APOB: variants seen among roughly 807,000 people sequenced by gnomAD.
APOB encodes the protein apolipoprotein B-100.
A neutral mutation model predicts 314.1 loss-of-function variants in APOB; 153 were observed. The observed-to-expected ratio is 0.49, with a 90% CI of 0.43 to 0.56. The LOEUF (loss-of-function observed/expected upper bound fraction) is 0.56. Ranked by LOEUF, APOB falls within the 20% of genes least tolerant of loss-of-function variation. The probability of loss-of-function intolerance (pLI) is 0.00; values close to 1 mark genes in which losing one functional copy is unlikely to be tolerated. For synonymous variants in APOB, 2,087 were observed against 2,036.4 expected (o/e 1.02, Z -0.67); for missense variants, 5,430 against 5,350.7 (o/e 1.01, Z -0.46).
chr2:21,034,936 G>T, intron 7 of APOB, 35 bp from the exon 8 acceptor site: 1 of 1,016,792 alleles, frequency 9.8e-7, no homozygotes, highest in East Asian at 2.4e-5. Flanking sequence ...GTCACGGATG[G>T]CCAGAACATA....
Position 21,019,032 on chromosome 2 carries a change from T to C in APOB, c.3081A>G (p.Arg1027=), listed in dbSNP as rs750932563. 1.9e-6 allele frequency: 3 copies of C among 1,614,054 alleles called. No homozygotes were observed. The Admixed American group carries it at 5.0e-5, about 27-fold the overall frequency. The part of the protein sequence containing the change: ...SATYELQRED[R]ALVDTLKFVT... ...CAAACTTCAGGGTATCCACCAAGGC[T>C]CTGTCCTCTCTCTGGAGCTCATAGG... Residue 1027 remains arginine, a synonymous_variant, in exon 20 of 29, where the codon AGA becomes AGG. Transcript: ENST00000233242.
chr2:21,030,479 G>C (rs145047515), intron 10 of APOB, among the ~76,000 whole-genome samples: 2 of 152,190 alleles, frequency 1.3e-5, no homozygotes, highest in African/African-American at 4.8e-5. Flanking sequence ...TTAAATATAA[G>C]ACCTGAGACT....
Position 21,019,739 on chromosome 2 carries a change from G to A in APOB, c.2983C>T (p.Leu995=). Residue 995 remains leucine, a synonymous_variant, in exon 19 of 29, where the codon CTG becomes TTG. Transcript: ENST00000233242. ...ATCTCTAACCTGGTGTCCCCGGTCA[G>A]CGGATAGTAGGAGGCGGAGTCTGTG... ...SSTDSASYYP[L]TGDTRLELEL... is the part of the protein sequence containing the mutation. 1 of 1,614,164 alleles carries A rather than the reference G, an allele frequency of 6.2e-7. No homozygotes were observed. Among genetic ancestry groups the A allele is most frequent in the South Asian group, 1.1e-5 (1 of 91,070 alleles).
In APOB at chr2:21,008,899, G is replaced by A. The variant is rs867880945; in HGVS notation, c.7969C>T (p.His2657Tyr). 1 of 1,613,982 alleles carries A rather than the reference G, an allele frequency of 6.2e-7. No individual in the cohort carries two copies. The highest frequency in any genetic ancestry group is 8.5e-7 in the Non-Finnish European group (1 of 1,179,912). Residue 2657 changes from histidine (H) to tyrosine (Y), a missense_variant, in exon 26 of 29, where the codon CAC (histidine) becomes TAC (tyrosine). By Grantham distance (83) the His-to-Tyr change is moderately conservative. This residue lies in a region of APOB where 3,281 missense variants were observed against 3,171.0 expected (regional missense o/e 1.03). Transcript: ENST00000233242. ...AAGTCAATTGTAAAGGAAGGAATGT[G>A]GAAGGTGTTAAGGATGGTAAATTCT... ...TPEFTILNTFHIPSFTIDFVE... is the reference protein window; with the variant it reads ...TPEFTILNTFYIPSFTIDFVE...
intron 20 of APOB, among the ~76,000 whole-genome samples, chr2:21,017,344 G>C (rs1663505348): frequency 6.6e-6 from 1 of 152,150 alleles, no homozygotes; most frequent in East Asian, 1.9e-4. Context: ...CAAGTAACTT[G>C]CTCATGTCAG....
chr2:21,023,202 C>T (rs1558570259), intron 17 of APOB, among the ~76,000 whole-genome samples, 160 bp from the exon 18 acceptor site: 1 of 152,148 alleles, frequency 6.6e-6, no homozygotes, highest in Non-Finnish European at 1.5e-5. Context: ...AGCGAGTTCT[C>T]AGTTCTCTAG....
At position 21,007,852 on chromosome 2, in the gene APOB, C is replaced by T. The variant is rs1456410181; in HGVS notation, c.9016G>A (p.Gly3006Ser). ...HVGHSVLTAK[G>S]MALFGEGKAE... Reference sequence around the variant, plus strand: ...TTCCCTTCTCCAAACAGTGCCATGCCTTTAGCAGTTAGAACACTGTGGCCC... The same window carrying T: ...TTCCCTTCTCCAAACAGTGCCATGCTTTTAGCAGTTAGAACACTGTGGCCC... Residue 3006 changes from glycine to serine, a missense_variant, in exon 26 of 29, where the codon GGC becomes AGC. This residue lies in a region of APOB where 3,281 missense variants were observed against 3,171.0 expected (regional missense o/e 1.03). Coordinates refer to ENST00000233242, the MANE Select transcript of APOB (RefSeq NM_000384.3). 6.2e-7 allele frequency: 1 copy of T among 1,613,954 alleles called. No homozygotes were observed. Among genetic ancestry groups the T allele is most frequent in the African/African-American group, 1.3e-5 (1 of 74,918 alleles).
intron 5 of APOB, among the ~76,000 whole-genome samples, chr2:21,037,653 T>C (rs1390525715): frequency 0.013 from 1 of 78 alleles, no homozygotes; most frequent in African/African-American, 0.031. Flanking sequence ...CAGGATTTAC[T>C]GTGTACACCA....
intron 3 of APOB, among the ~76,000 whole-genome samples, chr2:21,042,037 C>A (rs1664144137): frequency 6.6e-6 from 1 of 152,218 alleles, no homozygotes; most frequent in African/African-American, 2.4e-5. Context: ...TCCCATAGCT[C>A]ACCTACTGGG....
Position 21,011,820 on chromosome 2 carries a change from T to A in APOB, c.5048A>T (p.Lys1683Ile), listed in dbSNP as rs777709291. 2.5e-6 allele frequency: 4 copies of A among 1,614,124 alleles called. No individual in the cohort carries two copies. Among genetic ancestry groups the A allele is most frequent in the Non-Finnish European group, 3.4e-6 (4 of 1,180,018 alleles). ...AELGLSGASM[K>I]LTTNGRFREH... ...CCTGAAGCGGCCATTTGTTGTTAAT[T>A]TCATAGATGCCCCAGAGAGGCCAAG... Residue 1683 changes from lysine (K) to isoleucine (I), a missense_variant, in exon 26 of 29, where the codon AAA becomes ATA. By Grantham distance (102) the Lys-to-Ile change is moderately radical. Transcript: ENST00000233242.
rs1386611667 is a variant in APOB at position 21,006,774 on chromosome 2, T to C, written c.10094A>G (p.His3365Arg). Residue 3365 changes from histidine (H) to arginine (R), a missense_variant, in exon 26 of 29, where the codon CAT becomes CGT. By Grantham distance (29) the His-to-Arg change is conservative. Transcript: ENST00000233242. ...ELFNQSDIVA[H>R]LLSSSSSVID... ...GACAGATGAAGATGAAGAAAGGAGA[T>C]GAGCAACAATATCTGACTGGTTAAA... The C allele has an allele frequency of 1.2e-6, 2 of 1,613,986 alleles. No homozygotes were observed. Among genetic ancestry groups the C allele is most frequent in the Non-Finnish European group, 1.7e-6 (2 of 1,179,954 alleles).
chr2:21,007,252 T>C lies in APOB; in HGVS notation c.9616A>G (p.Arg3206Gly), dbSNP rs1253383921. Residue 3206 changes from arginine to glycine, a missense_variant, in exon 26 of 29, where the codon AGG (arginine) becomes GGG (glycine). Coordinates refer to ENST00000233242, the MANE Select transcript of APOB (RefSeq NM_000384.3). ...FISQSIKSFD[R>G]HFEKNRNNAL... is the part of the protein sequence containing the mutation. Reference sequence around the variant, plus strand: ...TTGTTTCTGTTTTTTTCAAAATGCCTGTCAAAGGATTTGATGCTCTGACTG... The same window carrying C: ...TTGTTTCTGTTTTTTTCAAAATGCCCGTCAAAGGATTTGATGCTCTGACTG... 50 of 1,613,318 alleles carry C rather than the reference T, an allele frequency of 3.1e-5. No individual in the cohort carries two copies. The highest frequency in any genetic ancestry group is 4.0e-5 in the Non-Finnish European group (47 of 1,179,610).
intron 28 of APOB, 139 bp from the exon 29 acceptor site, chr2:21,003,473 T>G: frequency 1.3e-6 from 1 of 779,240 alleles, no homozygotes; most frequent in Non-Finnish European, 2.1e-6. Flanking sequence ...CTTTCATATG[T>G]CAGTTCATGT....
chr2:21,041,482 A>T (rs1368183371), intron 3 of APOB, among the ~76,000 whole-genome samples: 1 of 152,222 alleles, frequency 6.6e-6, no homozygotes, highest in East Asian at 1.9e-4. Flanking sequence ...TCCACAGCAA[A>T]TGTCTCCTTA....
rs755588432 is a variant in APOB, at chr2:21,008,638, G to C, written c.8230C>G (p.Pro2744Ala). The part of the protein sequence containing the change: ...PDLHIPEFQL[P>A]HISHTIEVPT... Reference sequence around the variant, plus strand: ...ACTTCAATTGTGTGTGAGATGTGGGGAAGCTGGAATTCTGGTATGTGAAGG... The same window carrying C: ...ACTTCAATTGTGTGTGAGATGTGGGCAAGCTGGAATTCTGGTATGTGAAGG... Residue 2744 changes from proline (P) to alanine (A), a missense_variant, in exon 26 of 29, where the codon CCC (proline) becomes GCC (alanine). Physicochemically the swap from Pro to Ala is conservative, Grantham distance 27. Transcript: ENST00000233242. 2 of 1,614,136 alleles carry C rather than the reference G, an allele frequency of 1.2e-6. No individual in the cohort carries two copies. Among genetic ancestry groups the C allele is most frequent in the Non-Finnish European group, 1.7e-6 (2 of 1,179,978 alleles).
chr2:21,035,560 T>C, intron 7 of APOB, 24 bp downstream of exon 7: 1 of 1,613,690 alleles, frequency 6.2e-7, no homozygotes, highest in Non-Finnish European at 8.5e-7. Context: ...AAATGACAAA[T>C]CAGGGGTGCA....
intron 6 of APOB, 41 bp downstream of exon 6, chr2:21,037,059 A>G: frequency 6.2e-7 from 1 of 1,613,256 alleles, no homozygotes; most frequent in Non-Finnish European, 8.5e-7. Context: ...TAATAAGAGG[A>G]TGCTCCTTGC....
chr2:21,010,242 A>C lies in APOB; in HGVS notation c.6626T>G (p.Leu2209Ter). The C allele has an allele frequency of 6.4e-7, 1 of 1,557,122 alleles. No homozygotes were observed. Among genetic ancestry groups the C allele is most frequent in the Non-Finnish European group, 8.7e-7 (1 of 1,153,554 alleles). The change falls in exon 26 of 29, where the codon TTA becomes TGA. Residue 2209 changes from leucine to a stop codon, truncating the protein, a stop_gained. Coordinates refer to ENST00000233242, the MANE Select transcript of APOB (RefSeq NM_000384.3). LOFTEE classifies it high-confidence loss of function. ...ANIIDEIIEKLKSLDEHYHIR... is the reference protein window; with the variant it reads ...ANIIDEIIEK ...ATGATAGTGCTCATCAAGACTTTTT[A>C]ATTTTTCAATGATTTCATCAATAAT...
chr2:21,025,051 G>A lies in APOB; in HGVS notation c.2318C>T (p.Ala773Val). ...KDLKSKEVPE[A>V]RAYLRILGEE... ...TCCCAAGATGCGGAGGTAGGCTCTG[G>A]CTTCCGGGACTTCTTTGGATTTCAA... The change falls in exon 16 of 29, where the codon GCC becomes GTC. Residue 773 changes from alanine to valine, a missense_variant. Ala to Val is a moderately conservative substitution (Grantham distance 64, BLOSUM62 0). Coordinates refer to ENST00000233242, the MANE Select transcript of APOB (RefSeq NM_000384.3). 1 of 1,614,224 alleles carries A rather than the reference G, an allele frequency of 6.2e-7. No individual in the cohort carries two copies. The highest frequency in any genetic ancestry group is 8.5e-7 in the Non-Finnish European group (1 of 1,180,052).
Sources: gnomAD v4.1 joint callset for allele counts (sites outside exome capture counted in the v4.1 genomes callset) on GRCh38, gnomAD v4.1.1 for gene constraint, gnomAD v4.1.1 regional missense constraint, MANE v1.5 for transcripts, NCBI Gene and HGNC (gene_info 2026-07-23, HGNC 2026-07-21) for gene names.